Variants in LINGO2 observed in about 807,000 individuals in gnomAD.
LINGO2 encodes leucine-rich repeat and immunoglobulin-like domain-containing nogo receptor-interacting protein 2.
In LINGO2, 14 loss-of-function variants were observed where a neutral mutation model predicts 30.6. The ratio of observed to expected loss-of-function variants is 0.46; its 90% confidence interval spans 0.30 to 0.72. The LOEUF (loss-of-function observed/expected upper bound fraction) is 0.72. LINGO2 is among the 30% of genes least tolerant of loss of function. The probability of loss-of-function intolerance (pLI) is 0.07; values close to 1 mark genes in which losing one functional copy is unlikely to be tolerated. For synonymous variants in LINGO2, 317 were observed against 288.5 expected, an observed-to-expected ratio of 1.10 and a Z score of -1.00; for missense variants, 729 against 751.7, an observed-to-expected ratio of 0.97 and a Z score of 0.35.
At chr9:28,680,232 T>A in the LINGO2 span, among the ~76,000 whole-genome samples, 2 of 152,116 alleles carry the variant, frequency 1.3e-5, no homozygotes, top group Non-Finnish European at 2.9e-5. Flanking sequence ...TTTCTGTGCC[T>A]GGCTTATTTC....
chr9:28,559,444 A>C (rs1053058899), intron 1 of LINGO2, among the ~76,000 whole-genome samples: 1 of 152,106 alleles, frequency 6.6e-6, no homozygotes, highest in Non-Finnish European at 1.5e-5. Context: ...TTTCAAACAT[A>C]ATAGGTCATT....
chr9:28,699,540 C>T, the LINGO2 span, among the ~76,000 whole-genome samples: 753 of 152,066 alleles, frequency 5.0e-3, 9 homozygotes, highest in African/African-American at 0.018. Context: ...GAAATCAGTG[C>T]ACCTTGAAAA....
chr9:28,620,862 A>G (rs1826358397), intron 1 of LINGO2, among the ~76,000 whole-genome samples: 1 of 152,048 alleles, frequency 6.6e-6, no homozygotes, highest in Admixed American at 6.6e-5. Flanking sequence ...GGATCAGGAA[A>G]AACAACTAAT....
intron 1 of LINGO2, among the ~76,000 whole-genome samples, chr9:28,645,074 A>G (rs1366461262): frequency 1.3e-5 from 2 of 152,136 alleles, no homozygotes; most frequent in African/African-American, 4.8e-5. Flanking sequence ...CCTCAGTACT[A>G]ATATTGCCAA....
intron 1 of LINGO2, among the ~76,000 whole-genome samples, chr9:28,560,264 A>T (rs1195576431): frequency 2.0e-5 from 3 of 152,022 alleles, no homozygotes; most frequent in African/African-American, 4.8e-5. Context: ...TTTGGGTAAG[A>T]TTACATTTAA....
the LINGO2 span, among the ~76,000 whole-genome samples, chr9:28,900,392 T>A: frequency 6.6e-6 from 1 of 152,132 alleles, no homozygotes; most frequent in Admixed American, 6.5e-5. Flanking sequence ...ACCAGGTCAG[T>A]ACCCACAGAA....
At chr9:28,537,388 T>C (rs189754171) in intron 1 of LINGO2, among the ~76,000 whole-genome samples, 88 of 152,302 alleles carry the variant, frequency 5.8e-4, no homozygotes, top group Non-Finnish European at 9.7e-4. Context: ...TATTGATTCT[T>C]GCTAATATTT....
chr9:27,958,691 CAT>C (rs965797838), intron 5 of LINGO2, among the ~76,000 whole-genome samples: 1 of 151,934 alleles, frequency 6.6e-6, no homozygotes, highest in Admixed American at 6.6e-5. Context: ...TAGGGAAAAA[CAT>C]AGTATTTGTA....
chr9:28,827,794 A>T, the LINGO2 span, among the ~76,000 whole-genome samples: 12 of 152,264 alleles, frequency 7.9e-5, no homozygotes, highest in Non-Finnish European at 1.0e-4. Context: ...ATGAAAATTT[A>T]AAAATGTGGC....
At chr9:28,799,627 G>C in the LINGO2 span, among the ~76,000 whole-genome samples, 1 of 152,168 alleles carries the variant, frequency 6.6e-6, no homozygotes, top group South Asian at 2.1e-4. Context: ...AGAAATGGCA[G>C]TGACCTCTGA....
the LINGO2 span, among the ~76,000 whole-genome samples, chr9:28,962,389 T>G: frequency 6.6e-6 from 1 of 152,098 alleles, no homozygotes; most frequent in Non-Finnish European, 1.5e-5. Context: ...ACCTTTAGAT[T>G]AGAAATTCAT....
the LINGO2 span, among the ~76,000 whole-genome samples, chr9:28,733,341 G>T: frequency 3.3e-5 from 5 of 152,130 alleles, no homozygotes; most frequent in Admixed American, 6.5e-5. Flanking sequence ...GGTTTAAAAA[G>T]ATAGTATTGC....
At chr9:28,164,038 G>T (rs116962173) in intron 4 of LINGO2, among the ~76,000 whole-genome samples, 2 of 152,034 alleles carry the variant, frequency 1.3e-5, no homozygotes, top group Non-Finnish European at 2.9e-5. Flanking sequence ...AAATTAATCA[G>T]GAGTAAATTT....
At chr9:28,092,381 T>C (rs1266838789) in intron 4 of LINGO2, among the ~76,000 whole-genome samples, 1 of 151,870 alleles carries the variant, frequency 6.6e-6, no homozygotes, top group Non-Finnish European at 1.5e-5. Context: ...AAATGATGAG[T>C]TCATGTCCTT....
chr9:28,162,803 G>T (rs1180441810), intron 4 of LINGO2, among the ~76,000 whole-genome samples: 1 of 152,040 alleles, frequency 6.6e-6, no homozygotes, highest in Non-Finnish European at 1.5e-5. Flanking sequence ...ACTTAACTTG[G>T]ACATGATTGT....
chr9:28,859,285 A>C, the LINGO2 span, among the ~76,000 whole-genome samples: 1 of 152,206 alleles, frequency 6.6e-6, no homozygotes, highest in Non-Finnish European at 1.5e-5. Context: ...GATCTCAAGA[A>C]GACAAAATTA....
chr9:28,054,782 T>TGGA (rs1824843140), intron 4 of LINGO2, among the ~76,000 whole-genome samples: 1 of 151,510 alleles, frequency 6.6e-6, no homozygotes, highest in African/African-American at 2.4e-5. Flanking sequence ...TATTCCAGGC[T>TGGA]ATAACTTAAT....
At chr9:29,109,374 A>G in the LINGO2 span, among the ~76,000 whole-genome samples, 2 of 152,102 alleles carry the variant, frequency 1.3e-5, no homozygotes, top group Non-Finnish European at 2.9e-5. Context: ...TTTATAAAAG[A>G]AGAAAAAATG....
the LINGO2 span, among the ~76,000 whole-genome samples, chr9:28,813,301 C>T: frequency 1.3e-5 from 2 of 152,068 alleles, no homozygotes; most frequent in South Asian, 2.1e-4. Flanking sequence ...GTTTTCTCTA[C>T]GCATATGTAC....
Sources: allele counts gnomAD v4.1 joint callset (sites outside exome capture counted in the v4.1 genomes callset), GRCh38; gene constraint gnomAD v4.1.1; transcripts MANE v1.5; gene names NCBI Gene and HGNC (gene_info 2026-07-23, HGNC 2026-07-21).